The following DOCK1 variants were observed in gnomAD, a reference collection of about 807,000 sequenced individuals.
DOCK1 encodes dedicator of cytokinesis 1.
A neutral mutation model predicts 262.7 loss-of-function variants in DOCK1; 138 were observed. That is an observed-to-expected ratio of 0.53 (90% CI 0.46 to 0.61). The LOEUF is 0.61. Among genes scored for constraint, DOCK1 ranks in the 20% least tolerant of loss-of-function variants. DOCK1 has a pLI of 0.00. For synonymous variants in DOCK1, 866 were observed against 867.4 expected (o/e 1.00, Z 0.03); for missense variants, 1,908 against 2,370.7 (o/e 0.80, Z 4.05).
intron 1 of DOCK1, among the ~76,000 whole-genome samples, chr10:126,932,796 C>T (rs1355364137): frequency 1.3e-5 from 2 of 152,232 alleles, no homozygotes; most frequent in East Asian, 3.9e-4. Flanking sequence ...AGTCCCTCTC[C>T]GCTTGACATT....
At chr10:126,963,935 G>A (rs2037473737) in intron 1 of DOCK1, among the ~76,000 whole-genome samples, 1 of 152,098 alleles carries the variant, frequency 6.6e-6, no homozygotes, top group South Asian at 2.1e-4. Flanking sequence ...GAAGCTTGGT[G>A]ATGGCGTGGC....
intron 1 of DOCK1, among the ~76,000 whole-genome samples, chr10:126,921,481 T>C (rs1259240706): frequency 6.6e-6 from 1 of 152,102 alleles, no homozygotes; most frequent in Non-Finnish European, 1.5e-5. Context: ...TGTGATTCTG[T>C]TTATATGAAA....
chr10:127,131,270 C>T (rs1369020446), intron 27 of DOCK1, among the ~76,000 whole-genome samples: 1 of 152,142 alleles, frequency 6.6e-6, no homozygotes, highest in Non-Finnish European at 1.5e-5. Context: ...CAGAACCATC[C>T]TCCACAGCCC....
intron 23 of DOCK1, among the ~76,000 whole-genome samples, chr10:127,064,486 A>G (rs2045730714): frequency 6.6e-6 from 1 of 152,182 alleles, no homozygotes; most frequent in South Asian, 2.1e-4. Flanking sequence ...TTTAGTGACA[A>G]AATTTTTCCA....
In DOCK1 at chr10:127,339,104, C is replaced by T. The variant is rs1424979619; in HGVS notation, c.3123+20C>T. On this transcript the variant is annotated intron_variant, in intron 30 of 51. Transcript: ENST00000623213. The stretch of plus-strand genomic sequence containing the variant: ...CTACAGGTAAGAGAAGAGGTAGACA[C>T]GACCTTTGTGGAGAAATCATGTTAA... The T allele has an allele frequency of 1.2e-5, 19 of 1,551,986 alleles. No homozygotes were observed. Among genetic ancestry groups the T allele is most frequent in the Admixed American group, 9.6e-5 (5 of 51,944 alleles).
At chr10:126,935,422 G>A (rs1005508749) in intron 1 of DOCK1, among the ~76,000 whole-genome samples, 62 of 152,314 alleles carry the variant, frequency 4.1e-4, no homozygotes, top group African/African-American at 1.3e-3. Flanking sequence ...CCATGTAGGA[G>A]GGCCTGGGAG....
chr10:126,964,574 G>C (rs1386101416), intron 1 of DOCK1, among the ~76,000 whole-genome samples: 1 of 152,242 alleles, frequency 6.6e-6, no homozygotes, highest in African/African-American at 2.4e-5. Flanking sequence ...AAGGAAATGA[G>C]AACACAGAGC....
intron 30 of DOCK1, among the ~76,000 whole-genome samples, chr10:127,340,358 C>T (rs1055994909): frequency 1.8e-4 from 27 of 152,094 alleles, no homozygotes; most frequent in African/African-American, 6.3e-4. Context: ...GTTCTGAATT[C>T]TTTGTCACGC....
intron 30 of DOCK1, among the ~76,000 whole-genome samples, chr10:127,340,810 G>T (rs1414408082): frequency 6.6e-6 from 1 of 152,092 alleles, no homozygotes; most frequent in Non-Finnish European, 1.5e-5. Flanking sequence ...AGAATACTTA[G>T]TGGCCATGTG....
chr10:126,998,357 G>C (rs551576849), intron 8 of DOCK1, 108 bp downstream of exon 8: 2 of 1,446,810 alleles, frequency 1.4e-6, no homozygotes, highest in Non-Finnish European at 1.9e-6. Flanking sequence ...TGGATGAATG[G>C]CTGCTGGACA....
intron 27 of DOCK1, among the ~76,000 whole-genome samples, chr10:127,191,170 C>T (rs1237962946): frequency 6.6e-6 from 1 of 152,168 alleles, no homozygotes; most frequent in Non-Finnish European, 1.5e-5. Flanking sequence ...TCTCAAGCAT[C>T]ACCCACGAAG....
chr10:126,945,039 A>G (rs2035288120), intron 1 of DOCK1, among the ~76,000 whole-genome samples: 1 of 151,860 alleles, frequency 6.6e-6, no homozygotes, highest in Admixed American at 6.6e-5. Flanking sequence ...GGGTTTCACT[A>G]TGTCAGTCAA....
At chr10:127,064,192 G>T (rs2045712885) in intron 23 of DOCK1, among the ~76,000 whole-genome samples, 2 of 152,154 alleles carry the variant, frequency 1.3e-5, no homozygotes, top group Admixed American at 1.3e-4. Flanking sequence ...CCAAACGGTT[G>T]GTACCTTCCC....
At chr10:127,363,088 TAC>T (rs201156880) in intron 33 of DOCK1, among the ~76,000 whole-genome samples, 10 of 72,574 alleles carry the variant, frequency 1.4e-4, no homozygotes, top group African/African-American at 5.9e-5. Context: ...TGTGCACACA[TAC>T]ACACACATGC....
chr10:127,331,050 T>C lies in DOCK1; in HGVS notation c.3045-7956T>C, dbSNP rs550237504. ...AGTGTCAAACTGGCAAGCTGTCACG[T>C]GGAAACTGCAAAGAGGGAGGGGGAG... is the stretch of plus-strand genomic sequence containing the variant. On this transcript the variant is annotated intron_variant, in intron 29 of 51. Coordinates refer to ENST00000623213, the MANE Select transcript of DOCK1 (RefSeq NM_001290223.2). Among the ~76,000 whole-genome samples the C allele has an allele frequency of 4.9e-4, 74 of 151,870 alleles. 1 individual carries two copies. The highest frequency in any genetic ancestry group is 1.7e-3 in the African/African-American group (71 of 41,514).
At chr10:127,143,538 G>A (rs2051477881) in intron 27 of DOCK1, among the ~76,000 whole-genome samples, 2 of 152,204 alleles carry the variant, frequency 1.3e-5, no homozygotes, top group Non-Finnish European at 2.9e-5. Flanking sequence ...GGGCCCAGGA[G>A]GGCAGGTGCA....
At chr10:127,005,404 C>T (rs2135225610) in intron 10 of DOCK1, among the ~76,000 whole-genome samples, 1 of 152,174 alleles carries the variant, frequency 6.6e-6, no homozygotes, top group South Asian at 2.1e-4. Flanking sequence ...TAATCGTATT[C>T]TATCTGTTCA....
At position 127,146,627 on chromosome 10, in the gene DOCK1, A is replaced by T. The variant is rs2051881279; in HGVS notation, c.2847+18863A>T. Among the ~76,000 whole-genome samples, 4 of 152,308 alleles carry T rather than the reference A, an allele frequency of 2.6e-5. No homozygotes were observed. The South Asian group carries it at 8.3e-4, about 32-fold the overall frequency. On this transcript the variant is annotated intron_variant, in intron 27 of 51. Transcript: ENST00000623213. ...CTCTCATCTTCCTACCCTGTCACTC[A>T]CCATAAATACTAAGAACAGAGCACT...
chr10:126,919,665 T>C (rs2032971895), intron 1 of DOCK1, among the ~76,000 whole-genome samples: 1 of 152,220 alleles, frequency 6.6e-6, no homozygotes, highest in Non-Finnish European at 1.5e-5. Flanking sequence ...ACAAAAGCTT[T>C]CTTATCCCAA....
Sources: allele counts gnomAD v4.1 joint callset (sites outside exome capture counted in the v4.1 genomes callset), GRCh38; gene constraint gnomAD v4.1.1; transcripts MANE v1.5; gene names NCBI Gene and HGNC (gene_info 2026-07-23, HGNC 2026-07-21).